KAZN: variants seen among roughly 807,000 people sequenced by gnomAD.
KAZN encodes kazrin.
KAZN carries 40 observed loss-of-function variants against 87.4 expected under a neutral mutation model. That is an observed-to-expected ratio of 0.46 (90% CI 0.36 to 0.60). The LOEUF (loss-of-function observed/expected upper bound fraction) is 0.60, where lower values mean the gene tolerates loss of function less well. KAZN is among the 20% of genes least tolerant of loss of function. The pLI is 0.00. For synonymous variants in KAZN, 466 were observed against 458.3 expected (o/e 1.02, Z -0.22); for missense variants, 898 against 1,073.9 (o/e 0.84, Z 2.29).
At chr1:14,264,180 C>T (rs1248521867) in intron 2 of KAZN, among the ~76,000 whole-genome samples, 3 of 152,182 alleles carry the variant, frequency 2.0e-5, no homozygotes, top group Admixed American at 2.0e-4. Context: ...GTGTTTCTTT[C>T]TGCAGGTTCT....
chr1:13,913,267 T>C (rs1408360552), intron 1 of KAZN, among the ~76,000 whole-genome samples: 1 of 151,994 alleles, frequency 6.6e-6, no homozygotes, highest in African/African-American at 2.4e-5. Flanking sequence ...AGAGGAATTG[T>C]TTTGGTATAA....
At chr1:14,039,881 A>G (rs1443176141) in intron 1 of KAZN, among the ~76,000 whole-genome samples, 1 of 152,216 alleles carries the variant, frequency 6.6e-6, no homozygotes, top group Non-Finnish European at 1.5e-5. Flanking sequence ...AATCAATTCC[A>G]ATAGACAAGC....
At chr1:14,997,148 G>A (rs567140454) in intron 2 of KAZN, among the ~76,000 whole-genome samples, 16 of 152,084 alleles carry the variant, frequency 1.1e-4, no homozygotes, top group South Asian at 2.1e-4. Context: ...CCCCTCCAGC[G>A]AGTCTCAGTT....
chr1:14,271,510 C>G (rs889549695), intron 2 of KAZN, among the ~76,000 whole-genome samples: 3 of 152,160 alleles, frequency 2.0e-5, no homozygotes, highest in African/African-American at 7.2e-5. Context: ...TCTAGCCGTC[C>G]AACCGGAAAT....
At chr1:13,912,911 T>C (rs1306896541) in intron 1 of KAZN, among the ~76,000 whole-genome samples, 1 of 152,172 alleles carries the variant, frequency 6.6e-6, no homozygotes, top group Admixed American at 6.5e-5. Context: ...GCAAACTCTA[T>C]AGTTCATGCA....
intron 1 of KAZN, among the ~76,000 whole-genome samples, chr1:14,879,427 G>A (rs781002774): frequency 1.3e-5 from 2 of 152,132 alleles, no homozygotes; most frequent in Non-Finnish European, 2.9e-5. Flanking sequence ...CCAGTGCTTT[G>A]TAAACTGCTC....
intron 2 of KAZN, among the ~76,000 whole-genome samples, chr1:14,369,743 T>G (rs1660314377): frequency 2.0e-5 from 3 of 152,188 alleles, no homozygotes; most frequent in South Asian, 4.1e-4. Context: ...GTGCCAGTTA[T>G]GCAAAGTAAG....
intron 1 of KAZN, among the ~76,000 whole-genome samples, chr1:14,019,958 A>G (rs1349019079): frequency 6.6e-6 from 1 of 152,102 alleles, no homozygotes; most frequent in East Asian, 1.9e-4. Flanking sequence ...ATATAATGAA[A>G]TAATCATACA....
chr1:14,242,220 AGAG>A (rs1649012223), intron 2 of KAZN, among the ~76,000 whole-genome samples: 1 of 152,212 alleles, frequency 6.6e-6, no homozygotes. Context: ...TGTCTAAATA[AGAG>A]GAGAATTACA....
intron 2 of KAZN, among the ~76,000 whole-genome samples, chr1:14,590,686 C>T (rs1252480334): frequency 2.0e-5 from 3 of 152,204 alleles, no homozygotes; most frequent in Admixed American, 6.5e-5. Flanking sequence ...ATTACAGCCA[C>T]GGTCTTCATC....
chr1:14,373,932 C>T (rs554240437), intron 2 of KAZN, among the ~76,000 whole-genome samples: 1 of 152,168 alleles, frequency 6.6e-6, no homozygotes, highest in South Asian at 2.1e-4. Context: ...AAACAAAATC[C>T]CTCCCATTTG....
intron 1 of KAZN, among the ~76,000 whole-genome samples, chr1:14,803,287 G>A (rs1646099623): frequency 6.6e-6 from 1 of 152,160 alleles, no homozygotes; most frequent in African/African-American, 2.4e-5. Flanking sequence ...TAGCGGAGGG[G>A]GATTCAGCCC....
intron 1 of KAZN, among the ~76,000 whole-genome samples, chr1:13,995,529 G>A (rs772332247): frequency 6.6e-6 from 1 of 152,144 alleles, no homozygotes; most frequent in Non-Finnish European, 1.5e-5. Context: ...AGAAATTGAA[G>A]AAGAAAATAA....
At chr1:14,193,582 T>C (rs994517969) in intron 2 of KAZN, among the ~76,000 whole-genome samples, 2 of 152,000 alleles carry the variant, frequency 1.3e-5, no homozygotes, top group African/African-American at 2.4e-5. Flanking sequence ...ACCCAGTCTG[T>C]GCTACTTCCT....
At chr1:13,982,216 G>T (rs1008428477) in intron 1 of KAZN, among the ~76,000 whole-genome samples, 6 of 152,150 alleles carry the variant, frequency 3.9e-5, no homozygotes, top group Non-Finnish European at 7.3e-5. Flanking sequence ...GCAAGAGTGG[G>T]CTGCCTCACA....
chr1:14,591,321 G>C (rs12145446), intron 2 of KAZN, among the ~76,000 whole-genome samples: 25,020 of 151,890 alleles, frequency 0.16, 2,355 homozygotes, highest in East Asian at 0.33. Context: ...GCTTGGCTGT[G>C]GTTGTTTTTC....
chr1:14,210,264 C>A (rs1646827327), intron 2 of KAZN, among the ~76,000 whole-genome samples: 1 of 152,182 alleles, frequency 6.6e-6, no homozygotes, highest in Admixed American at 6.5e-5. Context: ...TTCCCCTGCA[C>A]ATGCTGTCTT....
chr1:14,142,621 G>A (rs1419730130), intron 1 of KAZN, among the ~76,000 whole-genome samples: 4 of 152,344 alleles, frequency 2.6e-5, no homozygotes, highest in African/African-American at 9.6e-5. Flanking sequence ...GCCTGAAAGC[G>A]CTGTAGCCTT....
intron 1 of KAZN, among the ~76,000 whole-genome samples, chr1:14,677,401 G>C (rs917514299): frequency 3.3e-5 from 5 of 152,152 alleles, no homozygotes; most frequent in Non-Finnish European, 5.9e-5. Flanking sequence ...ATATCTGCCT[G>C]GTCAGTGTAA....
Sources: allele counts gnomAD v4.1 joint callset (sites outside exome capture counted in the v4.1 genomes callset), GRCh38; gene constraint gnomAD v4.1.1; transcripts MANE v1.5; gene names NCBI Gene and HGNC (gene_info 2026-07-23, HGNC 2026-07-21).